The following ZNF141 variants were observed in gnomAD, a reference collection of about 807,000 sequenced individuals.
The protein encoded by ZNF141 is zinc finger protein 141 (clone pHZ-44).
A neutral mutation model predicts 11.3 loss-of-function variants in ZNF141; 7 were observed. That is an observed-to-expected ratio of 0.62 (90% CI 0.35 to 1.16). The LOEUF is 1.16. Among genes scored for constraint, ZNF141 ranks in the 50% most tolerant of loss-of-function variants. ZNF141 has a pLI of 0.02. For missense variants in ZNF141, 535 were observed against 554.0 expected (o/e 0.97, Z 0.34); for synonymous variants, 183 against 190.7 (o/e 0.96, Z 0.33).
chr4:376,476 A>T lies in ZNF141; in HGVS notation c.*2614A>T, dbSNP rs1391639364. Among the ~76,000 whole-genome samples, 1 of 152,070 alleles carries T rather than the reference A, an allele frequency of 6.6e-6. No individual in the cohort carries two copies. The highest frequency in any genetic ancestry group is 2.1e-4 in the South Asian group (1 of 4,828). On this transcript the variant is annotated 3_prime_UTR_variant, in exon 4 of 4. Transcript: ENST00000240499. ...ACACACAATCCAATTATACACTTTA[A>T]TTATTTCTAAATGTACAATTATGAT...
chr4:341,470 A>G (rs1553848445), intron 1 of ZNF141, among the ~76,000 whole-genome samples: 3 of 152,350 alleles, frequency 2.0e-5, no homozygotes, highest in East Asian at 1.9e-4. Flanking sequence ...TTAGCTTCTA[A>G]TATAATTGTT....
At chr4:370,750 A>G (rs1323358907) in intron 3 of ZNF141, among the ~76,000 whole-genome samples, 1 of 151,390 alleles carries the variant, frequency 6.6e-6, no homozygotes, top group Admixed American at 6.6e-5. Flanking sequence ...TTTTTTTTGA[A>G]ATGAAAGTCT....
rs189194818 is a variant in ZNF141, at chr4:369,358, C to T, written c.227-3306C>T. ...TGTTATATAACTTGGACCTGTTCTC[C>T]TCTTATTTGGTTATTTCCATGAAAT... On this transcript the variant is annotated intron_variant, in intron 3 of 3. Coordinates refer to ENST00000240499, the MANE Select transcript of ZNF141 (RefSeq NM_003441.4). Among the ~76,000 whole-genome samples, 84 of 152,066 alleles carry T rather than the reference C, an allele frequency of 5.5e-4. 3 individuals are homozygous for T. The highest frequency in any genetic ancestry group is 5.5e-3 in the Admixed American group (84 of 15,256).
rs1024064315 is a variant in ZNF141 at position 375,087 on chromosome 4, C to T, written c.*1225C>T. Reference sequence around the variant, plus strand: ...TTTTGCACATGATATCCTTTATATTCGAGAAAAGTTATAGAAATATAAAAA... The same window carrying T: ...TTTTGCACATGATATCCTTTATATTTGAGAAAAGTTATAGAAATATAAAAA... On this transcript the variant is annotated 3_prime_UTR_variant, in exon 4 of 4. Transcript: ENST00000240499. 2.6e-5 allele frequency: 4 copies of T among 151,848 alleles called. No homozygotes were observed. Among genetic ancestry groups the T allele is most frequent in the African/African-American group, 7.3e-5 (3 of 41,360 alleles). 9.4% of individuals were successfully genotyped at this position (151,848 alleles called of 1,614,324 possible). A position where few individuals can be genotyped will look rare whatever the true frequency, so the allele number is the denominator to read the frequency against.
intron 3 of ZNF141, among the ~76,000 whole-genome samples, chr4:359,607 A>G (rs980348043): frequency 1.3e-5 from 2 of 151,976 alleles, no homozygotes; most frequent in Non-Finnish European, 2.9e-5. Flanking sequence ...CAGGGACTGG[A>G]GCTTGGTTAT....
Position 346,878 on chromosome 4 carries a change from T to TACACACACACAC in ZNF141, c.226+2453_226+2464dup, listed in dbSNP as rs377666294. On this transcript the variant is annotated intron_variant, in intron 3 of 3. Transcript: ENST00000240499. Reference sequence around the variant, plus strand: ...ATATACATGTATGTATATATATGTATACACACACACACACACCGCCCCCCC... The same window carrying TACACACACACAC: ...ATATACATGTATGTATATATATGTATACACACACACACACACACACACACACACCGCCCCCCC... 4.5e-3 allele frequency among the ~76,000 whole-genome samples: 540 copies of TACACACACACAC among 120,260 alleles called. 22 individuals are homozygous for TACACACACACAC. Among genetic ancestry groups the TACACACACACAC allele is most frequent in the African/African-American group, 0.017 (491 of 28,138 alleles). The allele number at this position is 120,260 out of a possible 152,430, so 78.9% of individuals were successfully genotyped here. A position where few individuals can be genotyped will look rare whatever the true frequency, so the allele number is the denominator to read the frequency against.
chr4:382,107 G>A lies in ZNF141; in HGVS notation c.*8245G>A, dbSNP rs782552699. On this transcript the variant is annotated 3_prime_UTR_variant, in exon 4 of 4. Coordinates refer to ENST00000240499, the MANE Select transcript of ZNF141 (RefSeq NM_003441.4). ...ACTACAGGCACCTGCTACCATGCCC[G>A]GCTAATTTTTTTGTATTTTTAGTAG... is the stretch of plus-strand genomic sequence containing the variant. 4.6e-5 allele frequency among the ~76,000 whole-genome samples: 7 copies of A among 151,430 alleles called. No individual in the cohort carries two copies. Among genetic ancestry groups the A allele is most frequent in the African/African-American group, 1.2e-4 (5 of 41,142 alleles).
In ZNF141 at chr4:381,400, CTTTTTTTT is replaced by C. The variant is rs34721227; in HGVS notation, c.*7557_*7564del. On this transcript the variant is annotated 3_prime_UTR_variant, in exon 4 of 4. Transcript: ENST00000240499. ...CTATTTAATACAGACTTCAAATGTG[CTTTTTTTT>C]TTTTTTTTTTTTTTTTTTGAGACGT... is the stretch of plus-strand genomic sequence containing the variant. Among the ~76,000 whole-genome samples the C allele has an allele frequency of 2.6e-5, 2 of 76,936 alleles. No homozygotes were observed. The highest frequency in any genetic ancestry group is 3.4e-4 in the East Asian group (1 of 2,950). The allele number at this position is 76,936 out of a possible 152,430, so 50.5% of individuals were successfully genotyped here. A position where few individuals can be genotyped will look rare whatever the true frequency, so the allele number is the denominator to read the frequency against.
chr4:363,305 A>G (rs1711574646), intron 3 of ZNF141, among the ~76,000 whole-genome samples: 1 of 152,192 alleles, frequency 6.6e-6, no homozygotes, highest in Admixed American at 6.5e-5. Context: ...ATACACAATC[A>G]TGTCATCTGC....
chr4:378,988 G>T lies in ZNF141; in HGVS notation c.*5126G>T, dbSNP rs1468852688. On this transcript the variant is annotated 3_prime_UTR_variant, in exon 4 of 4. Transcript: ENST00000240499. ...GCCTCCCAAGTAGCTGGGATTACAG[G>T]TGCCCACCACCACACCCAGCTAATT... Among the ~76,000 whole-genome samples, 6 of 151,488 alleles carry T rather than the reference G, an allele frequency of 4.0e-5. No individual in the cohort carries two copies. The highest frequency in any genetic ancestry group is 8.8e-5 in the Non-Finnish European group (6 of 67,904).
chr4:342,903 C>T (rs1398430695), intron 1 of ZNF141: 203 of 1,597,028 alleles, frequency 1.3e-4, no homozygotes, highest in African/African-American at 2.0e-4. Flanking sequence ...AGTCCAAAAG[C>T]TTCAGCATTT....
rs1479653423 is a variant in ZNF141, at chr4:379,747, TACTC to T, written c.*5887_*5890del. Among the ~76,000 whole-genome samples, 16 of 152,240 alleles carry T rather than the reference TACTC, an allele frequency of 1.1e-4. No individual in the cohort carries two copies. Among genetic ancestry groups the T allele is most frequent in the African/African-American group, 3.6e-4 (15 of 41,456 alleles). On this transcript the variant is annotated 3_prime_UTR_variant, in exon 4 of 4. Transcript: ENST00000240499. Reference sequence around the variant, plus strand: ...TAATACTCAAGTTGTTTGACAAAGATACTCATCATTTGCAACATTATTCTGTAAT... The same window carrying T: ...TAATACTCAAGTTGTTTGACAAAGATATCATTTGCAACATTATTCTGTAAT...
chr4:356,230 C>CA (rs111839333), intron 3 of ZNF141, among the ~76,000 whole-genome samples: 169 of 116,332 alleles, frequency 1.5e-3, no homozygotes, highest in Admixed American at 3.6e-3. Context: ...GGCTCCGTCT[C>CA]AAAAAAAAAA....
chr4:350,900 C>T (rs1365546855), intron 3 of ZNF141, among the ~76,000 whole-genome samples: 5 of 151,374 alleles, frequency 3.3e-5, no homozygotes, highest in African/African-American at 4.9e-5. Context: ...CCACCATGCC[C>T]GGCTAATTTT....
chr4:343,551 C>T (rs1721161389), intron 1 of ZNF141, among the ~76,000 whole-genome samples: 2 of 151,698 alleles, frequency 1.3e-5, no homozygotes, highest in Admixed American at 6.6e-5. Flanking sequence ...TGGTGAAACC[C>T]CGTCTCTACT....
At position 337,838 on chromosome 4, in the gene ZNF141, A is replaced by C; in HGVS notation, c.-146A>C. On this transcript the variant is annotated 5_prime_UTR_variant, in exon 1 of 4. Transcript: ENST00000240499. ...GGTCTTTGCGTCTGGCTACTACCAG[A>C]CCGCGGGTTAGGGGCTTCATCTCTC... 2 of 1,080,700 alleles carry C rather than the reference A, an allele frequency of 1.9e-6. No individual in the cohort carries two copies. Among genetic ancestry groups the C allele is most frequent in the Non-Finnish European group, 2.8e-6 (2 of 721,406 alleles). The allele number at this position is 1,080,700 out of a possible 1,614,324, so 66.9% of individuals were successfully genotyped here. A position where few individuals can be genotyped will look rare whatever the true frequency, so the allele number is the denominator to read the frequency against.
At chr4:346,658 T>C (rs1473368105) in intron 3 of ZNF141, among the ~76,000 whole-genome samples, 1 of 152,148 alleles carries the variant, frequency 6.6e-6, no homozygotes, top group Non-Finnish European at 1.5e-5. Context: ...ACTACCATTC[T>C]GCTCTCTGCT....
Position 377,588 on chromosome 4 carries a change from T to C in ZNF141, c.*3726T>C, listed in dbSNP as rs138632490. Among the ~76,000 whole-genome samples, 1,105 of 152,310 alleles carry C rather than the reference T, an allele frequency of 7.3e-3. 9 individuals are homozygous for C. Among genetic ancestry groups the C allele is most frequent in the Middle Eastern group, 0.065 (19 of 292 alleles). On this transcript the variant is annotated 3_prime_UTR_variant, in exon 4 of 4. Coordinates refer to ENST00000240499, the MANE Select transcript of ZNF141 (RefSeq NM_003441.4). ...ATTCCACGTAATTTCACGTGGACTTTAGGTTAACTGGGGTGTTTGAGGTTA... is the reference window on the plus strand; with the variant it reads ...ATTCCACGTAATTTCACGTGGACTTCAGGTTAACTGGGGTGTTTGAGGTTA...
At position 373,505 on chromosome 4, in the gene ZNF141, A is replaced by C; in HGVS notation, c.1068A>C (p.Glu356Asp). 1 of 1,614,014 alleles carries C rather than the reference A, an allele frequency of 6.2e-7. No individual in the cohort carries two copies. The highest frequency in any genetic ancestry group is 8.5e-7 in the Non-Finnish European group (1 of 1,179,936). The change falls in exon 4 of 4, where the codon GAA becomes GAC. Residue 356 changes from glutamate to aspartate, a missense_variant. Glu to Asp is a conservative substitution (Grantham distance 45). Transcript: ENST00000240499. ...KAFRQSSKLN[E>D]HKKVHTGERP... is the part of the protein sequence containing the mutation. ...TTAGACAGTCCTCAAAACTGAATGA[A>C]CATAAGAAAGTTCATACTGGAGAGC...
Sources: allele counts gnomAD v4.1 joint callset (sites outside exome capture counted in the v4.1 genomes callset), GRCh38; gene constraint gnomAD v4.1.1; transcripts MANE v1.5; gene names NCBI Gene and HGNC (gene_info 2026-07-23, HGNC 2026-07-21).